ASB3: variants seen among roughly 807,000 people sequenced by gnomAD.
The protein encoded by ASB3 is ankyrin repeat and SOCS box protein 3.
In ASB3, 41 loss-of-function variants were observed where a neutral mutation model predicts 54.5. That is an observed-to-expected ratio of 0.75 (90% confidence interval 0.59 to 0.98). The LOEUF (loss-of-function observed/expected upper bound fraction) is 0.98. ASB3 is among the 50% of genes least tolerant of loss of function. The pLI, the probability that ASB3 is intolerant of heterozygous loss-of-function variation, is 0.00. For synonymous variants in ASB3, 266 were observed against 221.2 expected (o/e 1.20, Z -1.80); for missense variants, 733 against 620.0 (o/e 1.18, Z -1.94).
In ASB3 at chr2:53,714,383, C is replaced by T; in HGVS notation, c.980+1G>A. 6.2e-7 allele frequency: 1 copy of T among 1,614,016 alleles called. No homozygotes were observed. Among genetic ancestry groups the T allele is most frequent in the Non-Finnish European group, 8.5e-7 (1 of 1,179,972 alleles). ...AATAAAAACATAGCAAATATACATA[C>T]TCCTTTTGGAAAGCCATGCACACAG... On this transcript the variant is annotated splice_donor_variant, in intron 7 of 9. Coordinates refer to ENST00000263634, the MANE Select transcript of ASB3 (RefSeq NM_016115.5). LOFTEE classifies it high-confidence loss of function.
chr2:53,740,027 G>A lies in ASB3; in HGVS notation c.356-10457C>T, dbSNP rs888755880. Among the ~76,000 whole-genome samples, 5 of 152,256 alleles carry A rather than the reference G, an allele frequency of 3.3e-5. 1 individual carries two copies. The South Asian group carries it at 1.0e-3, about 32-fold the overall frequency. On this transcript the variant is annotated intron_variant, in intron 3 of 9. Transcript: ENST00000263634. ...GACAATAATTCTAAAAAATGACATG[G>A]TCAGTAAGTCTGTAACGAAAAGTTT...
intron 2 of ASB3, among the ~76,000 whole-genome samples, chr2:53,752,778 A>G (rs1204440126): frequency 1.3e-5 from 2 of 152,238 alleles, no homozygotes; most frequent in Non-Finnish European, 2.9e-5. Flanking sequence ...GAAAAAGTGA[A>G]GTAATGTGCT....
intron 1 of ASB3, among the ~76,000 whole-genome samples, chr2:53,771,620 C>A (rs533577316): frequency 1.3e-5 from 2 of 152,194 alleles, no homozygotes; most frequent in African/African-American, 4.8e-5. Context: ...TTTTAGATGA[C>A]CTTTAGTTAC....
chr2:53,775,423 T>G (rs962668543), intron 1 of ASB3, among the ~76,000 whole-genome samples: 15 of 152,256 alleles, frequency 9.9e-5, no homozygotes, highest in Admixed American at 6.5e-5. Context: ...TCCCACAGGC[T>G]GGAAAGTGTA....
At chr2:53,715,832 T>C (rs1670356994) in intron 6 of ASB3, among the ~76,000 whole-genome samples, 1 of 152,166 alleles carries the variant, frequency 6.6e-6, no homozygotes, top group Non-Finnish European at 1.5e-5. Context: ...CAAACTAAAT[T>C]AAGTAATGAA....
chr2:53,754,472 G>A (rs1412281712), intron 2 of ASB3, among the ~76,000 whole-genome samples: 1 of 152,136 alleles, frequency 6.6e-6, no homozygotes, highest in Non-Finnish European at 1.5e-5. Context: ...ACACAGGTGA[G>A]AAATACTGAA....
At chr2:53,704,799 A>G (rs1448221103) in intron 7 of ASB3, among the ~76,000 whole-genome samples, 2 of 152,178 alleles carry the variant, frequency 1.3e-5, no homozygotes, top group African/African-American at 2.4e-5. Flanking sequence ...TAACTGGTCT[A>G]AAAAAACAAA....
In ASB3 at chr2:53,716,995, T is replaced by C. The variant is rs191195413; in HGVS notation, c.605-252A>G. ...AATTTAGGAAGCTGTGGCCAGAGGATTGCTTGAGGCCACGTGTTTGAGACC... is the reference window on the plus strand; with the variant it reads ...AATTTAGGAAGCTGTGGCCAGAGGACTGCTTGAGGCCACGTGTTTGAGACC... On this transcript the variant is annotated intron_variant, in intron 5 of 9. Transcript: ENST00000263634. Among the ~76,000 whole-genome samples, 199 of 152,310 alleles carry C rather than the reference T, an allele frequency of 1.3e-3. 1 individual carries two copies. Among genetic ancestry groups the C allele is most frequent in the Admixed American group, 2.4e-3 (37 of 15,294 alleles).
chr2:53,778,149 C>CAAAA (rs34356077), intron 1 of ASB3, among the ~76,000 whole-genome samples: 5 of 62,622 alleles, frequency 8.0e-5, no homozygotes, highest in Admixed American at 1.7e-4. Context: ...ATTCTTGTCT[C>CAAAA]AAAAAAAAAA....
intron 8 of ASB3, among the ~76,000 whole-genome samples, chr2:53,699,418 G>A (rs546804705): frequency 1.1e-4 from 16 of 152,334 alleles, no homozygotes; most frequent in African/African-American, 3.6e-4. Flanking sequence ...CATGAAGGCT[G>A]AAAGTACTGG....
At chr2:53,725,606 C>T (rs1670950627) in intron 5 of ASB3, among the ~76,000 whole-genome samples, 1 of 152,140 alleles carries the variant, frequency 6.6e-6, no homozygotes, top group South Asian at 2.1e-4. Flanking sequence ...AAATATGCTA[C>T]ATATGATGTT....
intron 3 of ASB3, among the ~76,000 whole-genome samples, chr2:53,735,627 T>C (rs1671584547): frequency 6.6e-6 from 1 of 151,240 alleles, no homozygotes; most frequent in Non-Finnish European, 1.5e-5. Context: ...GGTATTGTCT[T>C]AATAGTTGGA....
At position 53,756,709 on chromosome 2, in the gene ASB3, A is replaced by G. The variant is rs182410832; in HGVS notation, c.197-5768T>C. Among the ~76,000 whole-genome samples, 526 of 152,260 alleles carry G rather than the reference A, an allele frequency of 3.5e-3. 5 individuals are homozygous for G. Among genetic ancestry groups the G allele is most frequent in the African/African-American group, 0.012 (505 of 41,540 alleles). ...TCACTCTATTAAATCTTGCAACTGC[A>G]CACTCTCTGGTCCGTGTTTGTTCCA... On this transcript the variant is annotated intron_variant, in intron 2 of 9. Coordinates refer to ENST00000263634, the MANE Select transcript of ASB3 (RefSeq NM_016115.5).
chr2:53,758,310 T>A (rs181625840), intron 2 of ASB3, among the ~76,000 whole-genome samples: 1 of 152,296 alleles, frequency 6.6e-6, no homozygotes, highest in East Asian at 1.9e-4. Flanking sequence ...TCAAATTTCA[T>A]ACCGGCAAGG....
intron 1 of ASB3, among the ~76,000 whole-genome samples, chr2:53,784,849 T>A (rs1298106668): frequency 1.3e-5 from 2 of 152,204 alleles, no homozygotes; most frequent in Admixed American, 1.3e-4. Flanking sequence ...CTTAAACATG[T>A]CTTTTTGGGG....
intron 1 of ASB3, among the ~76,000 whole-genome samples, chr2:53,769,445 C>T (rs564160124): frequency 6.6e-6 from 1 of 152,296 alleles, no homozygotes; most frequent in African/African-American, 2.4e-5. Context: ...CTAGTCTTGA[C>T]GAAAATGTAC....
chr2:53,766,113 C>T lies in ASB3; in HGVS notation c.-13-528G>A, dbSNP rs558353834. Among the ~76,000 whole-genome samples, 11 of 152,266 alleles carry T rather than the reference C, an allele frequency of 7.2e-5. No individual in the cohort carries two copies. In the South Asian group the frequency reaches 2.3e-3, roughly 32 times the overall value. ...TAGGTGTCATTCTAGTCTTCCTGCA[C>T]CTGCTTGTCCTTTCCAGAAGAGGTT... is the stretch of plus-strand genomic sequence containing the variant. On this transcript the variant is annotated intron_variant, in intron 1 of 9. Transcript: ENST00000263634.
chr2:53,776,550 G>A (rs931093508), intron 1 of ASB3, among the ~76,000 whole-genome samples: 27 of 152,120 alleles, frequency 1.8e-4, no homozygotes, highest in African/African-American at 5.8e-4. Context: ...GCTCACACCT[G>A]TCATCATAGT....
chr2:53,756,414 T>C (rs1315216589), intron 2 of ASB3, among the ~76,000 whole-genome samples: 2 of 152,232 alleles, frequency 1.3e-5, no homozygotes, highest in African/African-American at 2.4e-5. Context: ...TTTAGCAGTA[T>C]CTATAAATAT....
Sources: gnomAD v4.1 joint callset for allele counts (sites outside exome capture counted in the v4.1 genomes callset) on GRCh38, gnomAD v4.1.1 for gene constraint, MANE v1.5 for transcripts, NCBI Gene and HGNC (gene_info 2026-07-23, HGNC 2026-07-21) for gene names.